Variants in POLR1E observed in about 807,000 individuals in gnomAD.
POLR1E encodes the protein RNA polymerase I subunit E.
In POLR1E, 37 loss-of-function variants were observed where a neutral mutation model predicts 50.9. The observed-to-expected ratio is 0.73, with a 90% CI of 0.56 to 0.96. POLR1E has a LOEUF of 0.96. Ranked by LOEUF, POLR1E falls within the 40% of genes least tolerant of loss-of-function variation. The pLI is 0.00. For synonymous variants in POLR1E, 166 were observed against 191.6 expected, an observed-to-expected ratio of 0.87 and a Z score of 1.10; for missense variants, 426 against 518.1, an observed-to-expected ratio of 0.82 and a Z score of 1.73.
At chr9:37,500,039 C>A (rs1225552127) in intron 9 of POLR1E, among the ~76,000 whole-genome samples, 1 of 151,088 alleles carries the variant, frequency 6.6e-6, no homozygotes, top group South Asian at 2.1e-4. Flanking sequence ...TTAGTAGAGA[C>A]GGGGTTTCAC....
In POLR1E at chr9:37,503,245, A is replaced by C. The variant is rs568385198; in HGVS notation, c.*43A>C. 2.6e-6 allele frequency: 4 copies of C among 1,559,326 alleles called. No individual in the cohort carries two copies. In the South Asian group the frequency reaches 4.8e-5, roughly 19 times the overall value. ...AGGGCGTTTTGGCTGCATCACAGCC[A>C]CTGGCTGGTCCTATTCATTTCCATT... On this transcript the variant is annotated 3_prime_UTR_variant, in exon 12 of 12. Coordinates refer to ENST00000377798, the MANE Select transcript of POLR1E (RefSeq NM_022490.4).
Position 37,501,835 on chromosome 9 carries a change from G to T in POLR1E, c.1091G>T (p.Ser364Ile). ...GTGTTACAGAGGGACTTGAAGCTCA[G>T]TGAGAAAAGGTGAGCACAACAGAAT... is the stretch of plus-strand genomic sequence containing the variant. ...LTVLQRDLKLSEKRMMEIAKA... is the reference protein window; with the variant it reads ...LTVLQRDLKLIEKRMMEIAKA... The change falls in exon 11 of 12, where the codon AGT (serine) becomes ATT (isoleucine). Residue 364 changes from serine (S) to isoleucine (I), a missense_variant. Physicochemically the swap from Ser to Ile is moderately radical, Grantham distance 142. Coordinates refer to ENST00000377798, the MANE Select transcript of POLR1E (RefSeq NM_022490.4). 6.2e-7 allele frequency: 1 copy of T among 1,613,386 alleles called. No homozygotes were observed. The highest frequency in any genetic ancestry group is 1.1e-5 in the South Asian group (1 of 90,890).
Position 37,485,954 on chromosome 9 carries a change from C to T in POLR1E, c.-94C>T, listed in dbSNP as rs1336813977. ...GTGCCCGGCGGGGCCACGCCTTTTC[C>T]GGCCCGCAGCGCGGCCTGGGCTCCC... On this transcript the variant is annotated 5_prime_UTR_variant, in exon 1 of 12. Transcript: ENST00000377798. The T allele has an allele frequency of 4.0e-6, 6 of 1,495,016 alleles. No individual in the cohort carries two copies. In the African/African-American group the frequency reaches 4.2e-5, roughly 10 times the overall value. 92.6% of individuals were successfully genotyped at this position (1,495,016 alleles called of 1,614,324 possible).
chr9:37,503,473 G>C lies in POLR1E; in HGVS notation c.*271G>C. 1 of 268,898 alleles carries C rather than the reference G, an allele frequency of 3.7e-6. No homozygotes were observed. The allele number at this position is 268,898 out of a possible 1,614,324, so 16.7% of individuals were successfully genotyped here. A position where few individuals can be genotyped will look rare whatever the true frequency, so the allele number is the denominator to read the frequency against. On this transcript the variant is annotated 3_prime_UTR_variant, in exon 12 of 12. Coordinates refer to ENST00000377798, the MANE Select transcript of POLR1E (RefSeq NM_022490.4). ...TGCGCCTGTAATCCCAGCTACTCGG[G>C]AGGCTGAGGCAGGACGATTACTTGA... is the stretch of plus-strand genomic sequence containing the variant.
intron 9 of POLR1E, among the ~76,000 whole-genome samples, chr9:37,498,745 T>G (rs10973380): frequency 0.22 from 32,767 of 152,160 alleles, 3,700 homozygotes; most frequent in East Asian, 0.26. Context: ...GGTCACACCC[T>G]CATACCTACC....
chr9:37,495,803 C>A, intron 7 of POLR1E, 87 bp from the exon 8 acceptor site: 1 of 937,440 alleles, frequency 1.1e-6, no homozygotes, highest in Non-Finnish European at 1.7e-6. Flanking sequence ...GCCTGTTTCC[C>A]TGTCTGTGAA....
chr9:37,500,956 G>A, intron 10 of POLR1E, 35 bp downstream of exon 10: 1 of 1,557,782 alleles, frequency 6.4e-7, no homozygotes, highest in Non-Finnish European at 8.8e-7. Flanking sequence ...TTCTTGTGCA[G>A]GAGAAAGTAG....
chr9:37,492,191 A>G (rs1820697959), intron 4 of POLR1E: 3 of 1,161,808 alleles, frequency 2.6e-6, no homozygotes, highest in South Asian at 1.3e-5. Context: ...ACTGTTGTGT[A>G]CTAAGTTATA....
At chr9:37,494,521 A>G (rs919084626) in intron 6 of POLR1E, among the ~76,000 whole-genome samples, 3 of 152,172 alleles carry the variant, frequency 2.0e-5, no homozygotes, top group Non-Finnish European at 2.9e-5. Flanking sequence ...CACTGCAGCC[A>G]TAACCTCCTG....
At chr9:37,493,943 C>T (rs933116511) in intron 6 of POLR1E, among the ~76,000 whole-genome samples, 6 of 152,118 alleles carry the variant, frequency 3.9e-5, no homozygotes, top group Admixed American at 2.0e-4. Flanking sequence ...ACATGCCTGC[C>T]GTGCTTATGG....
intron 2 of POLR1E, 113 bp downstream of exon 2, chr9:37,486,919 G>C (rs913278): frequency 0.83 from 1,042,026 of 1,260,330 alleles, 431,246 homozygotes; most frequent in Admixed American, 0.88. Flanking sequence ...AGCAAATGGA[G>C]CTTTGAAGAA....
intron 4 of POLR1E, among the ~76,000 whole-genome samples, chr9:37,491,998 G>C (rs764343874): frequency 6.6e-6 from 1 of 152,224 alleles, no homozygotes; most frequent in African/African-American, 2.4e-5. Flanking sequence ...CACACACACA[G>C]AGATAACATT....
intron 4 of POLR1E, chr9:37,490,670 T>G: frequency 1.4e-6 from 1 of 705,724 alleles, no homozygotes; most frequent in Non-Finnish European, 2.6e-6. Context: ...CCTTGTTTGT[T>G]TACAACAATG....
chr9:37,488,138 T>G (rs1820611494), intron 3 of POLR1E, among the ~76,000 whole-genome samples, 199 bp downstream of exon 3: 2 of 152,220 alleles, frequency 1.3e-5, no homozygotes, highest in Admixed American at 1.3e-4. Flanking sequence ...TAACTTGAAT[T>G]TCCTAAAAAC....
chr9:37,502,887 T>G (rs1408255135), intron 11 of POLR1E, among the ~76,000 whole-genome samples, 156 bp from the exon 12 acceptor site: 2 of 152,212 alleles, frequency 1.3e-5, no homozygotes, highest in Non-Finnish European at 2.9e-5. Flanking sequence ...GAGGGGACCT[T>G]GCCTGCCTCT....
At chr9:37,497,852 T>G (rs1476281230) in intron 8 of POLR1E, among the ~76,000 whole-genome samples, 2 of 152,156 alleles carry the variant, frequency 1.3e-5, no homozygotes, top group African/African-American at 2.4e-5. Flanking sequence ...AGCCTCGACC[T>G]CCTGGGCTCA....
At position 37,489,414 on chromosome 9, in the gene POLR1E, A is replaced by G. The variant is rs1820640106; in HGVS notation, c.343+14A>G. 13 of 1,560,532 alleles carry G rather than the reference A, an allele frequency of 8.3e-6. No individual in the cohort carries two copies. The highest frequency in any genetic ancestry group is 1.1e-5 in the Non-Finnish European group (13 of 1,154,848). On this transcript the variant is annotated intron_variant, in intron 4 of 11. Coordinates refer to ENST00000377798, the MANE Select transcript of POLR1E (RefSeq NM_022490.4). ...CACTATTTTCAGGTAGGTCCCAGTC[A>G]TGAAAGCTGACAGAAATAATGCATA... is the stretch of plus-strand genomic sequence containing the variant.
intron 4 of POLR1E, among the ~76,000 whole-genome samples, chr9:37,491,173 A>G (rs10814555): frequency 0.22 from 32,751 of 152,044 alleles, 3,695 homozygotes; most frequent in Admixed American, 0.26. Context: ...TAATAAATAA[A>G]AGGGTCACAC....
intron 9 of POLR1E, among the ~76,000 whole-genome samples, chr9:37,500,436 C>T (rs748234996): frequency 2.6e-5 from 4 of 152,200 alleles, no homozygotes; most frequent in African/African-American, 9.7e-5. Flanking sequence ...CTGCCTGCCT[C>T]GGCCTCCCAA....
Sources: allele counts gnomAD v4.1 joint callset (sites outside exome capture counted in the v4.1 genomes callset), GRCh38; gene constraint gnomAD v4.1.1; transcripts MANE v1.5; gene names NCBI Gene and HGNC (gene_info 2026-07-23, HGNC 2026-07-21).